MCCC1: variants seen among roughly 807,000 people sequenced by gnomAD.
The protein encoded by MCCC1 is methylcrotonyl-CoA carboxylase subunit 1.
A neutral mutation model predicts 83.8 loss-of-function variants in MCCC1; 64 were observed. The ratio of observed to expected loss-of-function variants is 0.76; its 90% CI spans 0.62 to 0.94. The LOEUF is 0.94. Among genes scored for constraint, MCCC1 ranks in the 40% least tolerant of loss-of-function variants. The pLI is 0.00. For synonymous variants in MCCC1, 322 were observed against 315.4 expected, an observed-to-expected ratio of 1.02 and a Z score of -0.22; for missense variants, 807 against 904.7, an observed-to-expected ratio of 0.89 and a Z score of 1.39.
At chr3:183,041,432 T>A in intron 11 of MCCC1, 135 bp downstream of exon 11, 4 of 968,018 alleles carry the variant, frequency 4.1e-6, no homozygotes, top group Non-Finnish European at 6.1e-6. Context: ...TAATGGTTAC[T>A]GAGAAATCAC....
intron 3 of MCCC1, among the ~76,000 whole-genome samples, chr3:183,087,869 CAA>C (rs1223603175): frequency 9.7e-5 from 5 of 51,322 alleles, no homozygotes; most frequent in African/African-American, 1.9e-4. Context: ...GACTCCTTCT[CAA>C]AAAAAAAAAA....
upstream of MCCC1, chr3:183,099,545 A>G: frequency 1.5e-6 from 2 of 1,353,542 alleles, no homozygotes; most frequent in Non-Finnish European, 2.0e-6. Context: ...CCCGCCGGCC[A>G]CCGTCGGAGC....
intron 3 of MCCC1, among the ~76,000 whole-genome samples, chr3:183,091,895 G>A (rs377665056): frequency 4.6e-5 from 7 of 152,140 alleles, no homozygotes; most frequent in South Asian, 2.1e-4. Flanking sequence ...AAAATTAGCC[G>A]GTCGTGGTGG....
chr3:183,094,198 G>A (rs555232131), intron 2 of MCCC1, among the ~76,000 whole-genome samples: 13 of 151,852 alleles, frequency 8.6e-5, no homozygotes, highest in African/African-American at 2.4e-4. Context: ...ACAGGCACCC[G>A]CCACCACGCC....
In MCCC1 at chr3:183,071,204, T is replaced by A. The variant is rs996701241; in HGVS notation, c.639+6A>T. ...AATTGGCAAACACAAGCATGCACAA[T>A]CTTACTTTTCCTCCTCCACCCCGGA... is the stretch of plus-strand genomic sequence containing the variant. On this transcript the variant is annotated splice_donor_region_variant and intron_variant, in intron 6 of 18. Transcript: ENST00000265594. 6.2e-7 allele frequency: 1 copy of A among 1,613,984 alleles called. No homozygotes were observed. Among genetic ancestry groups the A allele is most frequent in the African/African-American group, 1.3e-5 (1 of 74,926 alleles).
chr3:183,104,180 A>T (rs368685396), upstream of MCCC1, among the ~76,000 whole-genome samples: 263 of 152,316 alleles, frequency 1.7e-3, no homozygotes, highest in African/African-American at 6.0e-3. Context: ...TGGCCAGCCT[A>T]GAAAGGGGCT....
intron 9 of MCCC1, among the ~76,000 whole-genome samples, chr3:183,047,885 A>G (rs544820064): frequency 3.9e-5 from 6 of 152,366 alleles, no homozygotes; most frequent in Non-Finnish European, 7.3e-5. Context: ...TACCAGAAGG[A>G]GAAGAAAGGA....
rs930300479 is a variant in MCCC1, at chr3:183,039,179, A to G, written c.1268-44T>C. On this transcript the variant is annotated intron_variant, in intron 11 of 18. Transcript: ENST00000265594. The stretch of plus-strand genomic sequence containing the variant: ...GTAACCTCTTCAAGTCAAAACACGA[A>G]GGAATAAAATACAACGAGCAAGACA... The G allele has an allele frequency of 2.6e-6, 4 of 1,554,984 alleles. No individual in the cohort carries two copies. The African/African-American group carries it at 5.4e-5, about 21-fold the overall frequency.
At chr3:183,026,421 A>T (rs1031740297) in intron 14 of MCCC1, among the ~76,000 whole-genome samples, 4 of 152,168 alleles carry the variant, frequency 2.6e-5, no homozygotes, top group Non-Finnish European at 5.9e-5. Context: ...TTATAATTTT[A>T]AAAATGCAGG....
chr3:183,103,486 C>CA (rs1719352661), upstream of MCCC1, among the ~76,000 whole-genome samples: 1 of 152,104 alleles, frequency 6.6e-6, no homozygotes, highest in Non-Finnish European at 1.5e-5. Flanking sequence ...TAGCTAGATA[C>CA]GGAGTATCCA....
intron 8 of MCCC1, among the ~76,000 whole-genome samples, chr3:183,055,478 A>C (rs77329096): frequency 0.019 from 2,843 of 152,264 alleles, 44 homozygotes; most frequent in Middle Eastern, 0.061. Flanking sequence ...TTTAACTGTC[A>C]ATATACCAAA....
chr3:183,037,040 T>G (rs1713669444), intron 13 of MCCC1, among the ~76,000 whole-genome samples, 178 bp downstream of exon 13: 1 of 152,150 alleles, frequency 6.6e-6, no homozygotes, highest in South Asian at 2.1e-4. Flanking sequence ...ATAGTGTTTA[T>G]GGGTGCATCC....
intron 3 of MCCC1, among the ~76,000 whole-genome samples, chr3:183,091,466 G>A (rs1016992811): frequency 6.6e-6 from 1 of 152,138 alleles, no homozygotes; most frequent in African/African-American, 2.4e-5. Context: ...TACTCAGGAG[G>A]CTGAGGCATG....
chr3:183,037,190 G>A (rs1462782402), intron 13 of MCCC1, 28 bp downstream of exon 13: 3 of 1,606,838 alleles, frequency 1.9e-6, no homozygotes, highest in East Asian at 4.5e-5. Flanking sequence ...AACTTGACAA[G>A]CAGAGGAAAG....
At chr3:183,072,592 G>C in intron 4 of MCCC1, 105 bp from the exon 5 acceptor site, 1 of 1,217,818 alleles carries the variant, frequency 8.2e-7, no homozygotes, top group Non-Finnish European at 1.2e-6. Flanking sequence ...CCCTACACTG[G>C]TAATAGTATG....
intron 9 of MCCC1, among the ~76,000 whole-genome samples, chr3:183,050,058 T>C (rs1344029565): frequency 1.3e-5 from 2 of 151,702 alleles, no homozygotes; most frequent in African/African-American, 4.8e-5. Context: ...AAGTGGAGGT[T>C]GCAGTGAGCA....
In MCCC1 at chr3:183,039,058, T is replaced by G. The variant is rs749810012; in HGVS notation, c.1345A>C (p.Thr449Pro). 1 of 1,614,200 alleles carries G rather than the reference T, an allele frequency of 6.2e-7. No individual in the cohort carries two copies. Among genetic ancestry groups the G allele is most frequent in the South Asian group, 1.1e-5 (1 of 91,076 alleles). The stretch of plus-strand genomic sequence containing the variant: ...TGACGAAGGCTGTACCTCAGTTTTG[T>G]CAATGCCGCCTGGCGATCTGCTGCC... ...VWAADRQAAL[T>P]KLRYSLRQYN... Residue 449 changes from threonine (T) to proline (P), a missense_variant, in exon 12 of 19, where the codon ACA becomes CCA. By Grantham distance (38) the Thr-to-Pro change is conservative. Transcript: ENST00000265594.
At chr3:183,083,727 T>C (rs1717685915) in intron 4 of MCCC1, among the ~76,000 whole-genome samples, 1 of 152,104 alleles carries the variant, frequency 6.6e-6, no homozygotes, top group African/African-American at 2.4e-5. Context: ...AAATGGTCAT[T>C]AAAAAGAAAG....
intron 14 of MCCC1, among the ~76,000 whole-genome samples, chr3:183,030,007 G>A (rs1712919522): frequency 2.0e-5 from 3 of 152,060 alleles, no homozygotes; most frequent in Non-Finnish European, 4.4e-5. Context: ...TAGGAAAGTG[G>A]GACAATTAAC....
Sources: gnomAD v4.1 joint callset for allele counts (sites outside exome capture counted in the v4.1 genomes callset) on GRCh38, gnomAD v4.1.1 for gene constraint, MANE v1.5 for transcripts, NCBI Gene and HGNC (gene_info 2026-07-23, HGNC 2026-07-21) for gene names.